The following UNC13C variants were observed in gnomAD, a reference collection of about 807,000 sequenced individuals.
UNC13C encodes unc-13 homolog C, also known as protein unc-13 homolog C.
In UNC13C, 174 loss-of-function variants were observed where a neutral mutation model predicts 245.4. That is an observed-to-expected ratio of 0.71 (90% CI 0.63 to 0.80). The LOEUF is 0.80. Among genes scored for constraint, UNC13C ranks in the 30% least tolerant of loss-of-function variants. UNC13C has a pLI of 0.00. For missense variants in UNC13C, 2,829 were observed against 2,602.9 expected, an observed-to-expected ratio of 1.09 and a Z score of -1.89; for synonymous variants, 992 against 895.1, an observed-to-expected ratio of 1.11 and a Z score of -1.93.
chr15:53,952,604 C>T, the UNC13C span, among the ~76,000 whole-genome samples: 3 of 152,140 alleles, frequency 2.0e-5, no homozygotes, highest in Non-Finnish European at 2.9e-5. Flanking sequence ...ACATGGACTT[C>T]GTAATTTAAT....
chr15:53,971,884 T>C, the UNC13C span, among the ~76,000 whole-genome samples: 460 of 152,170 alleles, frequency 3.0e-3, 4 homozygotes, highest in African/African-American at 0.011. Context: ...TTTAAATTTT[T>C]AAGTCATTTG....
In UNC13C at chr15:54,321,165, G is replaced by A. The variant is rs960668861; in HGVS notation, c.4269-774G>A. The A allele has an allele frequency of 5.8e-6, 3 of 518,040 alleles. No homozygotes were observed. In the African/African-American group the frequency reaches 5.8e-5, roughly 10 times the overall value. 32.1% of individuals were successfully genotyped at this position (518,040 alleles called of 1,614,324 possible). Reference sequence around the variant, plus strand: ...ACAGGGCTTTTCTTACTTCACAGTTGTGGCCATTCACAGTAAGGTGTTTCT... The same window carrying A: ...ACAGGGCTTTTCTTACTTCACAGTTATGGCCATTCACAGTAAGGTGTTTCT... On this transcript the variant is annotated intron_variant, in intron 13 of 32. Coordinates refer to ENST00000260323, the MANE Select transcript of UNC13C (RefSeq NM_001080534.3).
intron 19 of UNC13C, among the ~76,000 whole-genome samples, chr15:54,452,227 G>T (rs957207277): frequency 6.6e-6 from 1 of 152,182 alleles, no homozygotes; most frequent in South Asian, 2.1e-4. Context: ...GGCAGGTCCA[G>T]GAGGGCCAAT....
chr15:54,135,312 C>T (rs1015879554), intron 2 of UNC13C, among the ~76,000 whole-genome samples: 4 of 152,036 alleles, frequency 2.6e-5, no homozygotes, highest in South Asian at 2.1e-4. Flanking sequence ...TTTGATGAAC[C>T]TGTTTATGTT....
rs553193701 is a variant in UNC13C at position 54,109,938 on chromosome 15, A to G, written c.2984-33080A>G. Reference sequence around the variant, plus strand: ...GACATCAGCAAGGAAGAAGAGGCCTATTTTCAATATCATTTCCAGCTATTG... The same window carrying G: ...GACATCAGCAAGGAAGAAGAGGCCTGTTTTCAATATCATTTCCAGCTATTG... On this transcript the variant is annotated intron_variant, in intron 2 of 32. Transcript: ENST00000260323. Among the ~76,000 whole-genome samples, 53 of 152,172 alleles carry G rather than the reference A, an allele frequency of 3.5e-4. 1 individual carries two copies. The South Asian group carries it at 0.011, about 30-fold the overall frequency.
At chr15:53,901,453 C>T in the UNC13C span, among the ~76,000 whole-genome samples, 7 of 151,750 alleles carry the variant, frequency 4.6e-5, no homozygotes, top group African/African-American at 9.7e-5. Flanking sequence ...CTCGATCTCC[C>T]GACCTCAGGT....
chr15:54,224,992 A>T (rs1262285116), intron 4 of UNC13C, among the ~76,000 whole-genome samples: 1 of 145,116 alleles, frequency 6.9e-6, no homozygotes, highest in African/African-American at 2.5e-5. Flanking sequence ...TGTTTGCAAT[A>T]TTTCCCTTTT....
intron 2 of UNC13C, among the ~76,000 whole-genome samples, chr15:54,086,265 G>A (rs1294904423): frequency 1.3e-5 from 2 of 152,130 alleles, no homozygotes; most frequent in Non-Finnish European, 2.9e-5. Context: ...CTATTTCCGT[G>A]TAGCCACTCC....
chr15:54,624,040 C>T (rs1265883086), intron 32 of UNC13C, 86 bp downstream of exon 32: 3 of 1,514,396 alleles, frequency 2.0e-6, no homozygotes, highest in Non-Finnish European at 2.7e-6. Context: ...GTGTGAAGGG[C>T]TAAGGAAAAT....
chr15:53,994,912 G>T (rs1212044624), intron 1 of UNC13C, among the ~76,000 whole-genome samples: 1 of 152,080 alleles, frequency 6.6e-6, no homozygotes, highest in Non-Finnish European at 1.5e-5. Flanking sequence ...ATGGAAAAGA[G>T]GTAGGAGGTA....
chr15:54,160,214 G>T (rs538286577), intron 4 of UNC13C, among the ~76,000 whole-genome samples: 177 of 151,854 alleles, frequency 1.2e-3, no homozygotes, highest in African/African-American at 4.0e-3. Flanking sequence ...TTAAATGGAA[G>T]TGTTAGGTAG....
At chr15:54,490,373 A>G (rs1312655643) in intron 19 of UNC13C, among the ~76,000 whole-genome samples, 1 of 152,156 alleles carries the variant, frequency 6.6e-6, no homozygotes, top group Non-Finnish European at 1.5e-5. Context: ...GGCTGCAGTA[A>G]AGTAGACAGA....
intron 2 of UNC13C, among the ~76,000 whole-genome samples, chr15:54,083,069 G>A (rs1409083036): frequency 6.6e-6 from 1 of 152,126 alleles, no homozygotes; most frequent in Non-Finnish European, 1.5e-5. Context: ...TGAAGAGTAA[G>A]AGCCGGCTCA....
chr15:54,389,284 G>C (rs560121180), intron 17 of UNC13C, among the ~76,000 whole-genome samples: 26 of 152,152 alleles, frequency 1.7e-4, no homozygotes, highest in Non-Finnish European at 3.1e-4. Flanking sequence ...TAGAGAAGTG[G>C]TTCTCAAATT....
intron 17 of UNC13C, among the ~76,000 whole-genome samples, chr15:54,371,980 G>T (rs2039496788): frequency 6.6e-6 from 1 of 152,066 alleles, no homozygotes; most frequent in African/African-American, 2.4e-5. Flanking sequence ...GTTGATCAAA[G>T]CACACAAGTT....
chr15:53,970,503 A>G, the UNC13C span, among the ~76,000 whole-genome samples: 1 of 152,214 alleles, frequency 6.6e-6, no homozygotes, highest in Non-Finnish European at 1.5e-5. Flanking sequence ...CATTGAGTAC[A>G]GTTATGCAAA....
intron 17 of UNC13C, among the ~76,000 whole-genome samples, chr15:54,390,011 G>C (rs2039920967): frequency 6.6e-6 from 1 of 152,228 alleles, no homozygotes; most frequent in Non-Finnish European, 1.5e-5. Context: ...TTACAGGCAT[G>C]AGCCACTGCG....
At chr15:54,168,678 G>T (rs1202269083) in intron 4 of UNC13C, among the ~76,000 whole-genome samples, 1 of 152,040 alleles carries the variant, frequency 6.6e-6, no homozygotes, top group Admixed American at 6.6e-5. Context: ...ATAACACAAC[G>T]CGTCTGTTAA....
chr15:54,281,472 C>A (rs949113784), intron 10 of UNC13C, among the ~76,000 whole-genome samples: 7 of 152,116 alleles, frequency 4.6e-5, no homozygotes, highest in African/African-American at 1.2e-4. Context: ...TTTTTCATGG[C>A]ATTTTCTTTA....
Sources: allele counts gnomAD v4.1 joint callset (sites outside exome capture counted in the v4.1 genomes callset), GRCh38; gene constraint gnomAD v4.1.1; transcripts MANE v1.5; gene names NCBI Gene and HGNC (gene_info 2026-07-23, HGNC 2026-07-21).